The following CPOX variants were observed in gnomAD, a reference collection of about 807,000 sequenced individuals.
The protein encoded by CPOX is oxygen-dependent coproporphyrinogen-III oxidase, mitochondrial.
In CPOX, 24 loss-of-function variants were observed where a neutral mutation model predicts 48.9. The observed-to-expected ratio is 0.49, with a 90% CI of 0.36 to 0.69. The LOEUF (loss-of-function observed/expected upper bound fraction) is 0.69. CPOX is among the 30% of genes least tolerant of loss of function. The pLI is 0.00. For missense variants in CPOX, 549 were observed against 597.3 expected, an observed-to-expected ratio of 0.92 and a Z score of 0.84; for synonymous variants, 249 against 234.6, an observed-to-expected ratio of 1.06 and a Z score of -0.56.
chr3:98,589,147 C>A (rs987561760), intron 3 of CPOX, among the ~76,000 whole-genome samples: 1 of 152,016 alleles, frequency 6.6e-6, no homozygotes, highest in Non-Finnish European at 1.5e-5. Context: ...TATGGTGAAA[C>A]CTCGTTGCTA....
rs1707526042 is a variant in CPOX at position 98,593,384 on chromosome 3, G to T, written c.121C>A (p.Arg41Ser). The change falls in exon 1 of 7, where the codon CGC becomes AGC. Residue 41 changes from arginine to serine, a missense_variant. By Grantham distance (110) the Arg-to-Ser change is moderately radical (BLOSUM62 -1). Around this residue, in one of 2 missense-constraint regions of CPOX, gnomAD observed 336 missense variants for 318.1 expected, o/e 1.06. Coordinates refer to ENST00000647941, the MANE Select transcript of CPOX (RefSeq NM_000097.7). ...GGGGLRAWSQ[R>S]SAAGRVCRPP... is the part of the protein sequence containing the mutation. ...CGGCAGACGCGTCCGGCTGCGCTGC[G>T]CTGGGACCAGGCTCGGAGCCCTCCG... 3.6e-6 allele frequency: 5 copies of T among 1,378,238 alleles called. No homozygotes were observed. The African/African-American group carries it at 4.6e-5, about 13-fold the overall frequency. The allele number at this position is 1,378,238 out of a possible 1,614,324, so 85.4% of individuals were successfully genotyped here.
the CPOX span, among the ~76,000 whole-genome samples, chr3:98,571,204 T>G: frequency 6.6e-6 from 1 of 152,210 alleles, no homozygotes; most frequent in Non-Finnish European, 1.5e-5. Context: ...TTGTCTAAAC[T>G]TATTAGCTTA....
chr3:98,582,641 G>A (rs1330530070), intron 5 of CPOX, among the ~76,000 whole-genome samples: 1 of 151,866 alleles, frequency 6.6e-6, no homozygotes, highest in African/African-American at 2.4e-5. Context: ...ATAGGCACCC[G>A]CCACCATGAC....
chr3:98,590,479 T>C (rs1707457442), intron 3 of CPOX, 153 bp downstream of exon 3: 1 of 696,246 alleles, frequency 1.4e-6, no homozygotes, highest in Non-Finnish European at 2.6e-6. Flanking sequence ...TCAGGCATAA[T>C]CCATTGCACT....
At chr3:98,587,400 C>T (rs1282054111) in intron 4 of CPOX, among the ~76,000 whole-genome samples, 2 of 151,206 alleles carry the variant, frequency 1.3e-5, no homozygotes, top group Non-Finnish European at 2.9e-5. Flanking sequence ...ATAGCTGAAA[C>T]TGCATAATTT....
Position 98,593,531 on chromosome 3 carries a change from G to T in CPOX, c.-27C>A, listed in dbSNP as rs1271802292. Reference sequence around the variant, plus strand: ...TTCCCGCACTATCACCTGGAGCAGTGCCTGCGTCCCAGAGCCCTGCGTTTG... The same window carrying T: ...TTCCCGCACTATCACCTGGAGCAGTTCCTGCGTCCCAGAGCCCTGCGTTTG... On this transcript the variant is annotated 5_prime_UTR_variant, in exon 1 of 7. Transcript: ENST00000647941. 1.3e-6 allele frequency: 2 copies of T among 1,515,180 alleles called. No individual in the cohort carries two copies. Among genetic ancestry groups the T allele is most frequent in the Non-Finnish European group, 1.8e-6 (2 of 1,137,426 alleles). 93.9% of individuals were successfully genotyped at this position (1,515,180 alleles called of 1,614,324 possible).
downstream of CPOX, among the ~76,000 whole-genome samples, chr3:98,574,665 C>T (rs1157087872): frequency 2.0e-5 from 3 of 152,106 alleles, no homozygotes; most frequent in African/African-American, 7.2e-5. Flanking sequence ...CACTGCACCC[C>T]CTGCCTCCCA....
At position 98,581,407 on chromosome 3, in the gene CPOX, C is replaced by T. The variant is rs2107113853; in HGVS notation, c.1277G>A (p.Arg426Gln). The change falls in exon 6 of 7, where the codon CGA becomes CAA. Residue 426 changes from arginine (R) to glutamine (Q), a missense_variant and splice_region_variant. Physicochemically the swap from Arg to Gln is conservative, Grantham distance 43 (BLOSUM62 1). Around this residue, in one of 2 missense-constraint regions of CPOX, gnomAD observed 213 missense variants for 279.1 expected, o/e 0.76. Transcript: ENST00000647941. ...CTACTAAAATGAGTTATCTCCTTAC[C>T]GGGCAGTTAGAGGTAAAGACATCAA... ...SILMSLPLTA[R>Q]WEYMHSPSEN... 6 of 1,608,248 alleles carry T rather than the reference C, an allele frequency of 3.7e-6. No individual in the cohort carries two copies. The highest frequency in any genetic ancestry group is 4.5e-5 in the East Asian group (2 of 44,814).
the CPOX span, among the ~76,000 whole-genome samples, chr3:98,573,799 T>TA: frequency 1.3e-5 from 2 of 152,230 alleles, no homozygotes; most frequent in African/African-American, 4.8e-5. Flanking sequence ...CATATTAACA[T>TA]AGAGTATAGA....
intron 3 of CPOX, among the ~76,000 whole-genome samples, chr3:98,590,008 G>A (rs751435670): frequency 1.4e-4 from 21 of 152,172 alleles, no homozygotes; most frequent in Admixed American, 6.5e-4. Flanking sequence ...ATTTAACCTC[G>A]TACATAAGGT....
Position 98,591,002 on chromosome 3 carries a change from T to C in CPOX, c.700+10A>G, listed in dbSNP as rs1707468184. On this transcript the variant is annotated intron_variant, in intron 2 of 6. Coordinates refer to ENST00000647941, the MANE Select transcript of CPOX (RefSeq NM_000097.7). ...GGACTATTAGAGACTATCAAGACTG[T>C]CTGATTTACCATCTTTAGTCTTCAG... The C allele has an allele frequency of 6.2e-7, 1 of 1,614,044 alleles. No homozygotes were observed. Among genetic ancestry groups the C allele is most frequent in the Non-Finnish European group, 8.5e-7 (1 of 1,179,878 alleles).
chr3:98,586,355 A>G (rs965656105), intron 4 of CPOX, among the ~76,000 whole-genome samples: 2 of 152,146 alleles, frequency 1.3e-5, no homozygotes, highest in Non-Finnish European at 2.9e-5. Flanking sequence ...GGAATCTTCC[A>G]CTAACAATGA....
At chr3:98,577,753 C>A (rs903775810), downstream of CPOX, among the ~76,000 whole-genome samples, 2 of 152,170 alleles carry the variant, frequency 1.3e-5, no homozygotes, top group African/African-American at 4.8e-5. Context: ...CTGAGCCACC[C>A]ATAGGCAATG....
rs1196777759 is a variant in CPOX, at chr3:98,579,997, G to C, written c.*686C>G. 3 of 984,844 alleles carry C rather than the reference G, an allele frequency of 3.0e-6. No individual in the cohort carries two copies. Among genetic ancestry groups the C allele is most frequent in the Non-Finnish European group, 3.6e-6 (3 of 829,220 alleles). 61.0% of individuals were successfully genotyped at this position (984,844 alleles called of 1,614,324 possible). ...GAGAATCCCAACATTAACAAACAAT[G>C]GTTCCACAAAAATCAAAATTACAAC... On this transcript the variant is annotated 3_prime_UTR_variant, in exon 7 of 7. Coordinates refer to ENST00000647941, the MANE Select transcript of CPOX (RefSeq NM_000097.7).
At position 98,588,204 on chromosome 3, in the gene CPOX, A is replaced by C. The variant is rs1315996342; in HGVS notation, c.953+509T>G. Among the ~76,000 whole-genome samples the C allele has an allele frequency of 2.0e-5, 3 of 149,220 alleles. No individual in the cohort carries two copies. The East Asian group carries it at 5.9e-4, about 29-fold the overall frequency. On this transcript the variant is annotated intron_variant, in intron 4 of 6. Transcript: ENST00000647941. ...GCCAAGATTCCATTTGATGATAACAAATATTCTGGGTCTTCTCCCAACTTT... is the reference window on the plus strand; with the variant it reads ...GCCAAGATTCCATTTGATGATAACACATATTCTGGGTCTTCTCCCAACTTT...
chr3:98,592,887 G>A, intron 1 of CPOX, 62 bp downstream of exon 1: 1 of 1,536,194 alleles, frequency 6.5e-7, no homozygotes, highest in Non-Finnish European at 8.9e-7. Flanking sequence ...TTTTCTGTCT[G>A]CAACCTGGAA....
downstream of CPOX, chr3:98,578,269 A>G (rs940795374): frequency 3.3e-5 from 32 of 973,588 alleles, no homozygotes; most frequent in Non-Finnish European, 1.6e-5. Flanking sequence ...GTTATTGAAG[A>G]ACTGAAAACA....
In CPOX at chr3:98,592,941, C is replaced by T. The variant is rs763944082; in HGVS notation, c.556+8G>A. The T allele has an allele frequency of 3.7e-6, 6 of 1,610,780 alleles. No individual in the cohort carries two copies. In the South Asian group the frequency reaches 5.5e-5, roughly 15 times the overall value. ...TCTCCAACTCCCGCCAGGGGCCGGC[C>T]TCCTTACCTTCCTTCCTCTCCCACC... On this transcript the variant is annotated splice_region_variant and intron_variant, in intron 1 of 6. Coordinates refer to ENST00000647941, the MANE Select transcript of CPOX (RefSeq NM_000097.7).
chr3:98,575,639 CA>C (rs1559671292), downstream of CPOX, among the ~76,000 whole-genome samples: 1 of 148,708 alleles, frequency 6.7e-6, no homozygotes, highest in Non-Finnish European at 1.5e-5. Context: ...TAAAAAAATA[CA>C]AAAAATTAGC....
Sources: allele counts gnomAD v4.1 joint callset (sites outside exome capture counted in the v4.1 genomes callset), GRCh38; gene constraint gnomAD v4.1.1; regional missense constraint gnomAD v4.1.1; transcripts MANE v1.5; gene names NCBI Gene and HGNC (gene_info 2026-07-23, HGNC 2026-07-21).